The following CFAP46 variants were observed in gnomAD, a reference collection of about 807,000 sequenced individuals.
CFAP46 encodes cilia and flagella associated protein 46, also known as cilia- and flagella-associated protein 46.
A neutral mutation model predicts 325.7 loss-of-function variants in CFAP46; 245 were observed. The observed-to-expected ratio is 0.75, with a 90% CI of 0.68 to 0.84. CFAP46 has a LOEUF of 0.84. Ranked by LOEUF, CFAP46 falls within the 40% of genes least tolerant of loss-of-function variation. The probability of loss-of-function intolerance (pLI) is 0.00; values close to 1 mark genes in which losing one functional copy is unlikely to be tolerated. For missense variants in CFAP46, 3,346 were observed against 3,543.0 expected, an observed-to-expected ratio of 0.94 and a Z score of 1.41; for synonymous variants, 1,523 against 1,495.9, an observed-to-expected ratio of 1.02 and a Z score of -0.42.
Position 132,885,888 on chromosome 10 carries a change from C to T in CFAP46, c.3376G>A (p.Asp1126Asn), listed in dbSNP as rs771739606. The T allele has an allele frequency of 2.1e-5, 33 of 1,550,136 alleles. No homozygotes were observed. The highest frequency in any genetic ancestry group is 9.8e-5 in the Admixed American group (5 of 50,972). The change falls in exon 26 of 58, where the codon GAC (aspartate) becomes AAC (asparagine). Residue 1126 changes from aspartate to asparagine, a missense_variant. Coordinates refer to ENST00000368586, the MANE Select transcript of CFAP46 (RefSeq NM_001200049.3). ...AGCACCTTGAGGCCGCCCTCCCAGTCGTCCTGGTCGGCATGGCTGTGGAAG... is the reference window on the plus strand; with the variant it reads ...AGCACCTTGAGGCCGCCCTCCCAGTTGTCCTGGTCGGCATGGCTGTGGAAG... ...LLFHSHADQD[D>N]WEGGLKVLDE...
At chr10:132,911,038 T>A (rs988945796) in intron 19 of CFAP46, among the ~76,000 whole-genome samples, 11 of 152,128 alleles carry the variant, frequency 7.2e-5, no homozygotes, top group African/African-American at 2.7e-4. Flanking sequence ...CATCATCACA[T>A]CTAAGAGGGA....
chr10:132,839,428 G>A lies in CFAP46; in HGVS notation c.6439-2514C>T, dbSNP rs111444980. Among the ~76,000 whole-genome samples the A allele has an allele frequency of 5.4e-3, 815 of 152,324 alleles. 12 individuals are homozygous for A. Among genetic ancestry groups the A allele is most frequent in the African/African-American group, 0.018 (748 of 41,570 alleles). On this transcript the variant is annotated intron_variant, in intron 44 of 57. Coordinates refer to ENST00000368586, the MANE Select transcript of CFAP46 (RefSeq NM_001200049.3). ...TGAACCCTCGGCCACAGAGAGAACTGGTGGCTTCATGGCACGGAGCCTCTC... is the reference window on the plus strand; with the variant it reads ...TGAACCCTCGGCCACAGAGAGAACTAGTGGCTTCATGGCACGGAGCCTCTC...
rs781318968 is a variant in CFAP46 at position 132,908,616 on chromosome 10, C to T, written c.2776G>A (p.Glu926Lys). The change falls in exon 22 of 58, where the codon GAG (glutamate) becomes AAG (lysine). Residue 926 changes from glutamate (E) to lysine (K), a missense_variant. Coordinates refer to ENST00000368586, the MANE Select transcript of CFAP46 (RefSeq NM_001200049.3). The stretch of plus-strand genomic sequence containing the variant: ...ACCAGGGGGTCCGACCAGTTGCACT[C>T]GGAAGCCATTTTCACCAACTTCCGG... The part of the protein sequence containing the change: ...SLAQLVKMAS[E>K]CNWSDPLVEL... 4.4e-5 allele frequency: 67 copies of T among 1,537,780 alleles called. No individual in the cohort carries two copies. The highest frequency in any genetic ancestry group is 4.1e-5 in the African/African-American group (3 of 72,582).
At chr10:132,932,730 A>T (rs1214530549) in intron 8 of CFAP46, among the ~76,000 whole-genome samples, 1 of 152,258 alleles carries the variant, frequency 6.6e-6, no homozygotes, top group Non-Finnish European at 1.5e-5. Context: ...GCAGAAACTG[A>T]CAGGCTGAGG....
At position 132,899,009 on chromosome 10, in the gene CFAP46, C is replaced by T; in HGVS notation, c.3169G>A (p.Ala1057Thr). The change falls in exon 24 of 58, where the codon GCC becomes ACC. Residue 1057 changes from alanine to threonine, a missense_variant. Ala to Thr is a moderately conservative substitution (Grantham distance 58, BLOSUM62 0). Coordinates refer to ENST00000368586, the MANE Select transcript of CFAP46 (RefSeq NM_001200049.3). ...ATGATGCCGATGAGCCTCTTCAGGG[C>T]ACCCTTGGCCTTCTTCCTGTAGACG... ...SAVYRKKAKG[A>T]LKRLIGIINK... The T allele has an allele frequency of 6.4e-7, 1 of 1,550,616 alleles. No homozygotes were observed. Among genetic ancestry groups the T allele is most frequent in the South Asian group, 1.2e-5 (1 of 84,070 alleles).
chr10:132,898,481 T>C (rs939503029), intron 24 of CFAP46: 1 of 296,676 alleles, frequency 3.4e-6, no homozygotes. Flanking sequence ...CCTCCCTGGG[T>C]TGCCCCATCC....
At chr10:132,905,016 C>A (rs923893715) in intron 22 of CFAP46, among the ~76,000 whole-genome samples, 1 of 152,194 alleles carries the variant, frequency 6.6e-6, no homozygotes, top group South Asian at 2.1e-4. Flanking sequence ...CCACTGTGAC[C>A]CTGGTGACTC....
At position 132,827,963 on chromosome 10, in the gene CFAP46, C is replaced by T. The variant is rs781356462; in HGVS notation, c.7117+5395G>A. On this transcript the variant is annotated intron_variant, in intron 50 of 57. Transcript: ENST00000368586. This position sits in a 1 kb window ranked among gnomAD's most constrained non-coding sequence, Gnocchi z 5.7. ...CGGCGTAATCCTTCTGAGTGAGCCC[C>T]GTCACCCCTCAGCGTAATCCTTCTG... Among the ~76,000 whole-genome samples, 1 of 150,816 alleles carries T rather than the reference C, an allele frequency of 6.6e-6. No individual in the cohort carries two copies. The highest frequency in any genetic ancestry group is 1.5e-5 in the Non-Finnish European group (1 of 67,950).
At chr10:132,818,745 C>T (rs1235107714) in intron 50 of CFAP46, among the ~76,000 whole-genome samples, 3 of 151,652 alleles carry the variant, frequency 2.0e-5, no homozygotes, top group Admixed American at 1.3e-4. Flanking sequence ...CCCAGCTACT[C>T]GAGAGGCTGA....
Position 132,941,582 on chromosome 10 carries a change from G to A in CFAP46, c.306+9C>T, listed in dbSNP as rs371973719. ...CTGTTGGGGATAAGGGGCACAGGACGCCTCTCACCAGGTTTTCTGCCGACT... is the reference window on the plus strand; with the variant it reads ...CTGTTGGGGATAAGGGGCACAGGACACCTCTCACCAGGTTTTCTGCCGACT... On this transcript the variant is annotated intron_variant, in intron 3 of 57. Transcript: ENST00000368586. 2.0e-5 allele frequency: 32 copies of A among 1,610,574 alleles called. No individual in the cohort carries two copies. Among genetic ancestry groups the A allele is most frequent in the Admixed American group, 8.4e-5 (5 of 59,756 alleles).
In CFAP46 at chr10:132,828,952, G is replaced by C. The variant is rs913539370; in HGVS notation, c.7117+4406C>G. Among the ~76,000 whole-genome samples, 1 of 151,832 alleles carries C rather than the reference G, an allele frequency of 6.6e-6. No homozygotes were observed. The highest frequency in any genetic ancestry group is 1.5e-5 in the Non-Finnish European group (1 of 68,010). On this transcript the variant is annotated intron_variant, in intron 50 of 57. Transcript: ENST00000368586. The surrounding 1 kb of genome is among the most constrained non-coding windows in gnomAD (Gnocchi z 4.9). ...TCTACACGGCTACCGTCACGCCTGC[G>C]CTCCACTGTATCAATACTGCACCCA...
chr10:132,885,707 G>T, intron 26 of CFAP46, 114 bp downstream of exon 26: 1 of 795,914 alleles, frequency 1.3e-6, no homozygotes, highest in Non-Finnish European at 1.7e-6. Context: ...CACACCCCCG[G>T]TGGGGATGCA....
intron 50 of CFAP46, among the ~76,000 whole-genome samples, chr10:132,818,548 T>C (rs1002754548): frequency 3.3e-5 from 5 of 151,716 alleles, no homozygotes; most frequent in African/African-American, 1.2e-4. Flanking sequence ...ACCAGAGCAG[T>C]CGGGAAAGAA....
intron 40 of CFAP46, 94 bp downstream of exon 40, chr10:132,851,023 G>A: frequency 1.4e-6 from 2 of 1,475,330 alleles, no homozygotes; most frequent in Non-Finnish European, 1.9e-6. Flanking sequence ...CAGGTGCACA[G>A]TGGTGGAGAC....
rs1392063843 is a variant in CFAP46 at position 132,939,155 on chromosome 10, G to A, written c.372-402C>T. ...TAGACAAGAATGGGCAAGGACAGAGGGAATCAAGGAAGGCTTCCTGGAGGA... is the reference window on the plus strand; with the variant it reads ...TAGACAAGAATGGGCAAGGACAGAGAGAATCAAGGAAGGCTTCCTGGAGGA... On this transcript the variant is annotated intron_variant, in intron 4 of 57. Transcript: ENST00000368586. The surrounding 1 kb of genome is among the most constrained non-coding windows in gnomAD (Gnocchi z 4.6). 6.6e-6 allele frequency among the ~76,000 whole-genome samples: 1 copy of A among 152,192 alleles called. No individual in the cohort carries two copies. The highest frequency in any genetic ancestry group is 1.5e-5 in the Non-Finnish European group (1 of 68,026).
chr10:132,849,665 T>A (rs747944479), intron 41 of CFAP46, among the ~76,000 whole-genome samples: 3 of 152,062 alleles, frequency 2.0e-5, no homozygotes, highest in African/African-American at 4.8e-5. Flanking sequence ...GGGTGGGCCC[T>A]GGGCTGAGAG....
At chr10:132,940,392 A>T (rs1306994854) in intron 4 of CFAP46, among the ~76,000 whole-genome samples, 1 of 151,960 alleles carries the variant, frequency 6.6e-6, no homozygotes, top group African/African-American at 2.4e-5. Context: ...AGTTTGAAGC[A>T]TGATATTTGT....
At chr10:132,838,022 G>A (rs1177611370) in intron 44 of CFAP46, among the ~76,000 whole-genome samples, 5 of 151,946 alleles carry the variant, frequency 3.3e-5, no homozygotes, top group Non-Finnish European at 5.9e-5. Context: ...ACTCAGAGCC[G>A]TGCCCCCATG....
At position 132,867,246 on chromosome 10, in the gene CFAP46, C is replaced by A. The variant is rs536276365; in HGVS notation, c.4743+129G>T. 3,140 of 1,064,554 alleles carry A rather than the reference C, an allele frequency of 2.9e-3. 53 individuals carry two copies. Among genetic ancestry groups the A allele is most frequent in the Non-Finnish European group, 2.4e-3 (1,876 of 769,470 alleles). The allele number at this position is 1,064,554 out of a possible 1,614,324, so 65.9% of individuals were successfully genotyped here. A position where few individuals can be genotyped will look rare whatever the true frequency, so the allele number is the denominator to read the frequency against. ...CGGCCCCTCACACACTGACACACAC[C>A]CAGGCCGGCCCCTCACACACTGACA... On this transcript the variant is annotated intron_variant, in intron 34 of 57. Transcript: ENST00000368586.
Sources: allele counts gnomAD v4.1 joint callset (sites outside exome capture counted in the v4.1 genomes callset), GRCh38; gene constraint gnomAD v4.1.1; non-coding constraint Gnocchi (gnomAD v3.1); transcripts MANE v1.5; gene names NCBI Gene and HGNC (gene_info 2026-07-23, HGNC 2026-07-21).